DEPTOR: variants seen among roughly 807,000 people sequenced by gnomAD.
The protein encoded by DEPTOR is DEP domain-containing mTOR-interacting protein.
In DEPTOR, 41 loss-of-function variants were observed where a neutral mutation model predicts 41.6. That is an observed-to-expected ratio of 0.98 (90% CI 0.77 to 1.28). The LOEUF (loss-of-function observed/expected upper bound fraction) is 1.28. Ranked by LOEUF, DEPTOR falls within the 50% of genes most tolerant of loss-of-function variation. DEPTOR has a pLI of 0.00. For missense variants in DEPTOR, 514 were observed against 527.9 expected (o/e 0.97, Z 0.26); for synonymous variants, 195 against 192.3 (o/e 1.01, Z -0.12).
chr8:120,049,276 A>T (rs1483174715), intron 8 of DEPTOR, among the ~76,000 whole-genome samples: 1 of 152,120 alleles, frequency 6.6e-6, no homozygotes, highest in Non-Finnish European at 1.5e-5. Flanking sequence ...TGAGGGAAAT[A>T]AAGCTCAGAA....
chr8:119,899,830 C>T (rs1827563738), intron 1 of DEPTOR, among the ~76,000 whole-genome samples: 2 of 152,182 alleles, frequency 1.3e-5, no homozygotes, highest in Non-Finnish European at 2.9e-5. Context: ...AGCATAGTCA[C>T]AGTTATACAG....
At chr8:119,881,648 T>G (rs914251006) in intron 1 of DEPTOR, among the ~76,000 whole-genome samples, 7 of 152,142 alleles carry the variant, frequency 4.6e-5, no homozygotes, top group Non-Finnish European at 8.8e-5. Flanking sequence ...ATAATTCATT[T>G]TATTCAAGTA....
At chr8:119,974,223 A>C (rs1396805578) in intron 4 of DEPTOR, among the ~76,000 whole-genome samples, 2 of 126,678 alleles carry the variant, frequency 1.6e-5, no homozygotes, top group African/African-American at 5.9e-5. Context: ...ACATAGTGAG[A>C]TCTTGTCTCT....
chr8:119,897,542 A>AT (rs1391082868), intron 1 of DEPTOR, among the ~76,000 whole-genome samples: 2 of 152,164 alleles, frequency 1.3e-5, no homozygotes, highest in East Asian at 3.9e-4. Flanking sequence ...CAAAAAAATA[A>AT]TTCAAAAAAT....
At chr8:120,008,356 T>G (rs939871191) in intron 7 of DEPTOR, among the ~76,000 whole-genome samples, 30 of 151,854 alleles carry the variant, frequency 2.0e-4, no homozygotes, top group African/African-American at 6.3e-4. Context: ...GGTGAAACCC[T>G]GTCTCTACTA....
chr8:119,955,087 A>C (rs1828401424), intron 3 of DEPTOR, among the ~76,000 whole-genome samples: 3 of 152,070 alleles, frequency 2.0e-5, no homozygotes, highest in Admixed American at 2.0e-4. Context: ...TGAACTTCCA[A>C]CCTGAGGTGA....
chr8:119,934,173 G>C (rs763572250), intron 3 of DEPTOR, among the ~76,000 whole-genome samples: 1 of 151,900 alleles, frequency 6.6e-6, no homozygotes, highest in African/African-American at 2.4e-5. Flanking sequence ...GAGCCACTGC[G>C]CCCGGCCTGG....
At chr8:120,038,755 G>A (rs1813016747) in intron 8 of DEPTOR, among the ~76,000 whole-genome samples, 1 of 152,168 alleles carries the variant, frequency 6.6e-6, no homozygotes, top group Non-Finnish European at 1.5e-5. Flanking sequence ...AGTAGCCGAG[G>A]TCTTAAGTGT....
intron 3 of DEPTOR, among the ~76,000 whole-genome samples, chr8:119,933,526 T>C (rs2129867659): frequency 6.6e-6 from 1 of 151,660 alleles, no homozygotes; most frequent in Middle Eastern, 3.4e-3. Flanking sequence ...AAGTTAAGCT[T>C]CTTAATGCAC....
At chr8:119,950,077 T>G (rs1828333245) in intron 3 of DEPTOR, among the ~76,000 whole-genome samples, 1 of 152,204 alleles carries the variant, frequency 6.6e-6, no homozygotes, top group African/African-American at 2.4e-5. Context: ...AGGATCCAAC[T>G]TCTGTATTTT....
intron 4 of DEPTOR, among the ~76,000 whole-genome samples, chr8:119,983,471 G>A (rs1404935331): frequency 6.6e-6 from 1 of 152,096 alleles, no homozygotes; most frequent in African/African-American, 2.4e-5. Flanking sequence ...TGCAACCTCT[G>A]CCTTCCAGGT....
intron 1 of DEPTOR, among the ~76,000 whole-genome samples, chr8:119,899,764 C>T (rs986283492): frequency 6.6e-6 from 1 of 152,166 alleles, no homozygotes; most frequent in African/African-American, 2.4e-5. Context: ...AAATATCTTA[C>T]CTATCTAATT....
chr8:119,987,554 G>A (rs867191072), intron 4 of DEPTOR, among the ~76,000 whole-genome samples: 4 of 152,242 alleles, frequency 2.6e-5, no homozygotes, highest in Admixed American at 1.3e-4. Context: ...CAGAGCTCGA[G>A]TGCTGTGCTG....
chr8:119,909,477 G>A (rs952001749), intron 1 of DEPTOR, among the ~76,000 whole-genome samples: 1 of 152,096 alleles, frequency 6.6e-6, no homozygotes, highest in Non-Finnish European at 1.5e-5. Context: ...GCATCAGCAG[G>A]GTTTGAACAC....
intron 3 of DEPTOR, among the ~76,000 whole-genome samples, chr8:119,955,585 G>T (rs911482863): frequency 2.0e-5 from 3 of 152,030 alleles, no homozygotes; most frequent in South Asian, 4.2e-4. Flanking sequence ...TCCTGCCTCA[G>T]CCTCCCAAGT....
chr8:119,892,343 A>G (rs1296533691), intron 1 of DEPTOR, among the ~76,000 whole-genome samples: 1 of 152,206 alleles, frequency 6.6e-6, no homozygotes, highest in East Asian at 1.9e-4. Flanking sequence ...TTTCTCCACT[A>G]TTAATAAGAT....
At position 120,001,657 on chromosome 8, in the gene DEPTOR, T is replaced by C. The variant is rs907490911; in HGVS notation, c.737T>C (p.Phe246Ser). Residue 246 changes from phenylalanine (F) to serine (S), a missense_variant, in exon 5 of 9, where the codon TTC becomes TCC. Coordinates refer to ENST00000286234, the MANE Select transcript of DEPTOR (RefSeq NM_022783.4). ...TCCCAGGAAACTCATGACAGTCCCTTCTGCCTGAGGAAGCAGAGCCATGAC... is the reference window on the plus strand; with the variant it reads ...TCCCAGGAAACTCATGACAGTCCCTCCTGCCTGAGGAAGCAGAGCCATGAC... Reference protein sequence around the residue: ...PSSQETHDSPFCLRKQSHDNR... With the variant: ...PSSQETHDSPSCLRKQSHDNR... The C allele has an allele frequency of 7.4e-6, 12 of 1,613,976 alleles. No homozygotes were observed. The African/African-American group carries it at 1.5e-4, about 20-fold the overall frequency.
At chr8:120,010,617 CAAAA>C (rs34215920) in intron 8 of DEPTOR, among the ~76,000 whole-genome samples, 2 of 124,754 alleles carry the variant, frequency 1.6e-5, no homozygotes, top group African/African-American at 3.0e-5. Flanking sequence ...GACTCTGTCT[CAAAA>C]AAAAAAAAAA....
At chr8:119,923,889 C>CTTTTTTTTTTTTTTTTTTTTT (rs1827929723) in intron 1 of DEPTOR, among the ~76,000 whole-genome samples, 1 of 72,210 alleles carries the variant, frequency 1.4e-5, no homozygotes, top group African/African-American at 6.6e-5. Flanking sequence ...TTTCTTTTTT[C>CTTTTTTTTTTTTTTTTTTTTT]TTTCTTTTTT....
Sources: allele counts gnomAD v4.1 joint callset (sites outside exome capture counted in the v4.1 genomes callset), GRCh38; gene constraint gnomAD v4.1.1; transcripts MANE v1.5; gene names NCBI Gene and HGNC (gene_info 2026-07-23, HGNC 2026-07-21).